Variants in ADCK1 observed in about 807,000 individuals in gnomAD.
ADCK1 encodes aarF domain containing kinase 1.
Under a neutral mutation model 52.3 loss-of-function variants are expected in ADCK1, and 41 were observed. That is an observed-to-expected ratio of 0.78 (90% CI 0.61 to 1.02). The LOEUF is 1.02. Ranked by LOEUF, ADCK1 falls within the 50% of genes least tolerant of loss-of-function variation. The pLI, the probability that ADCK1 is intolerant of heterozygous loss-of-function variation, is 0.00. For synonymous variants in ADCK1, 250 were observed against 274.6 expected, an observed-to-expected ratio of 0.91 and a Z score of 0.89; for missense variants, 658 against 679.5, an observed-to-expected ratio of 0.97 and a Z score of 0.35.
At chr14:77,812,699 C>T (rs1382801338) in intron 1 of ADCK1, among the ~76,000 whole-genome samples, 1 of 151,908 alleles carries the variant, frequency 6.6e-6, no homozygotes, top group African/African-American at 2.4e-5. Flanking sequence ...AAGCAATTCT[C>T]GTGCTTTAGC....
At chr14:77,876,163 G>A (rs1233946615) in intron 4 of ADCK1, among the ~76,000 whole-genome samples, 1 of 152,182 alleles carries the variant, frequency 6.6e-6, no homozygotes, top group Non-Finnish European at 1.5e-5. Flanking sequence ...AAATTAAGGT[G>A]TTGACTGGGC....
rs1165133687 is a variant in ADCK1 at position 77,864,432 on chromosome 14, A to C, written c.423+5153A>C. 8.5e-5 allele frequency among the ~76,000 whole-genome samples: 13 copies of C among 152,290 alleles called. No individual in the cohort carries two copies. In the East Asian group the frequency reaches 2.5e-3, roughly 29 times the overall value. ...ACCAGCATGAACAAGGCAGAAGTGGAGAGATGAGGCAGGAGAAGGCCTGCC... is the reference window on the plus strand; with the variant it reads ...ACCAGCATGAACAAGGCAGAAGTGGCGAGATGAGGCAGGAGAAGGCCTGCC... On this transcript the variant is annotated intron_variant, in intron 4 of 10. Transcript: ENST00000238561.
intron 4 of ADCK1, among the ~76,000 whole-genome samples, chr14:77,869,161 G>A (rs1011987581): frequency 2.6e-5 from 4 of 152,210 alleles, no homozygotes; most frequent in African/African-American, 9.7e-5. Flanking sequence ...GTTGGATGGC[G>A]TATTGGTTTT....
At chr14:77,801,308 A>T (rs2081104955) in intron 1 of ADCK1, among the ~76,000 whole-genome samples, 2 of 152,042 alleles carry the variant, frequency 1.3e-5, no homozygotes, top group South Asian at 4.1e-4. Context: ...GCTTTATAGG[A>T]AAAAAAATCC....
At chr14:77,913,321 T>C (rs1182401749) in intron 7 of ADCK1, among the ~76,000 whole-genome samples, 2 of 152,192 alleles carry the variant, frequency 1.3e-5, no homozygotes, top group African/African-American at 2.4e-5. Context: ...GCGCTCACCC[T>C]GCTGATCTGC....
At position 77,913,384 on chromosome 14, in the gene ADCK1, C is replaced by T. The variant is rs116220855; in HGVS notation, c.858+5465C>T. Among the ~76,000 whole-genome samples, 530 of 152,308 alleles carry T rather than the reference C, an allele frequency of 3.5e-3. 2 individuals carry two copies. The highest frequency in any genetic ancestry group is 0.012 in the African/African-American group (487 of 41,574). Reference sequence around the variant, plus strand: ...AGGGGTGCCCACCTGCCAGCAAGCACGGGCCTCGGGAGCCAGCAGCCTGCA... The same window carrying T: ...AGGGGTGCCCACCTGCCAGCAAGCATGGGCCTCGGGAGCCAGCAGCCTGCA... On this transcript the variant is annotated intron_variant, in intron 7 of 10. Coordinates refer to ENST00000238561, the MANE Select transcript of ADCK1 (RefSeq NM_020421.4).
At chr14:77,835,604 C>T (rs2081944413) in intron 3 of ADCK1, among the ~76,000 whole-genome samples, 2 of 152,168 alleles carry the variant, frequency 1.3e-5, no homozygotes, top group African/African-American at 4.8e-5. Flanking sequence ...ATTCCTTGGT[C>T]CTGTACACTA....
intron 4 of ADCK1, among the ~76,000 whole-genome samples, chr14:77,870,174 G>A (rs571467803): frequency 1.3e-5 from 2 of 152,340 alleles, no homozygotes; most frequent in African/African-American, 4.8e-5. Flanking sequence ...TGTAAGGCTG[G>A]TAGATTACCA....
chr14:77,882,962 C>T (rs928158295), intron 4 of ADCK1, among the ~76,000 whole-genome samples: 6 of 137,106 alleles, frequency 4.4e-5, no homozygotes, highest in African/African-American at 1.3e-4. Flanking sequence ...CACCACCCCC[C>T]CCCCCGTGCT....
At chr14:77,869,118 C>T (rs1196638682) in intron 4 of ADCK1, among the ~76,000 whole-genome samples, 2 of 151,918 alleles carry the variant, frequency 1.3e-5, no homozygotes, top group African/African-American at 4.8e-5. Flanking sequence ...CCCAGAGAGC[C>T]GACAAGCTGG....
At chr14:77,817,313 C>A (rs564737750) in intron 1 of ADCK1, among the ~76,000 whole-genome samples, 89 of 152,266 alleles carry the variant, frequency 5.8e-4, no homozygotes, top group African/African-American at 2.0e-3. Flanking sequence ...AGGCACAGAG[C>A]AGGGAGGTGA....
rs10634042 is a variant in ADCK1, at chr14:77,893,736, C to CCTTCCTTT, written c.583-5361_583-5360insCCTTTCTT. Among the ~76,000 whole-genome samples the CCTTCCTTT allele has an allele frequency of 1.3e-3, 171 of 133,222 alleles. 1 individual carries two copies. In the Middle Eastern group the frequency reaches 0.02, roughly 15 times the overall value. The allele number at this position is 133,222 out of a possible 152,430, so 87.4% of individuals were successfully genotyped here. A position where few individuals can be genotyped will look rare whatever the true frequency, so the allele number is the denominator to read the frequency against. On this transcript the variant is annotated intron_variant, in intron 5 of 10. Coordinates refer to ENST00000238561, the MANE Select transcript of ADCK1 (RefSeq NM_020421.4). ...ATCTTGTTTCTTCCCTTCCTTCCTT[C>CCTTCCTTT]CTTTTTTTTTTTTTTTTGACAGAGT...
At chr14:77,831,930 G>A (rs1450156266) in intron 3 of ADCK1, among the ~76,000 whole-genome samples, 1 of 151,880 alleles carries the variant, frequency 6.6e-6, no homozygotes, top group Non-Finnish European at 1.5e-5. Context: ...GCAAGCTCAA[G>A]CCTCTAATGT....
intron 7 of ADCK1, among the ~76,000 whole-genome samples, chr14:77,916,714 C>G (rs2083933795): frequency 6.6e-6 from 1 of 152,198 alleles, no homozygotes; most frequent in Non-Finnish European, 1.5e-5. Flanking sequence ...CCTCACAAAG[C>G]CCCTCTTCTT....
intron 1 of ADCK1, among the ~76,000 whole-genome samples, chr14:77,817,163 A>G (rs2081473140): frequency 6.6e-6 from 1 of 152,158 alleles, no homozygotes; most frequent in Non-Finnish European, 1.5e-5. Context: ...AAACGCTCCA[A>G]CCTGGCAGGC....
chr14:77,899,633 CAT>C (rs2083487768), intron 6 of ADCK1, among the ~76,000 whole-genome samples: 2 of 152,206 alleles, frequency 1.3e-5, no homozygotes, highest in Non-Finnish European at 2.9e-5. Flanking sequence ...GTTTTAAACA[CAT>C]GTGTTTTACC....
chr14:77,832,699 A>G (rs759152068), intron 3 of ADCK1, among the ~76,000 whole-genome samples: 87 of 152,222 alleles, frequency 5.7e-4, no homozygotes, highest in Non-Finnish European at 1.5e-4. Context: ...TTCAAAAGGA[A>G]TTGATAGGTG....
intron 4 of ADCK1, among the ~76,000 whole-genome samples, chr14:77,882,953 A>ACC (rs1402405062): frequency 3.3e-4 from 21 of 63,758 alleles, no homozygotes; most frequent in African/African-American, 1.2e-3. Flanking sequence ...TTTTTCTTAC[A>ACC]CCACCCCCCC....
At chr14:77,875,030 T>C (rs1397071795) in intron 4 of ADCK1, among the ~76,000 whole-genome samples, 1 of 151,906 alleles carries the variant, frequency 6.6e-6, no homozygotes, top group African/African-American at 2.4e-5. Context: ...CCCTGAAAGA[T>C]AAGGCTGGAG....
Sources: gnomAD v4.1 joint callset for allele counts (sites outside exome capture counted in the v4.1 genomes callset) on GRCh38, gnomAD v4.1.1 for gene constraint, MANE v1.5 for transcripts, NCBI Gene and HGNC (gene_info 2026-07-23, HGNC 2026-07-21) for gene names.